Variants in EIF5B observed in about 807,000 individuals in gnomAD.
EIF5B encodes eIF-5B.
A neutral mutation model predicts 147.5 loss-of-function variants in EIF5B; 47 were observed. The observed-to-expected ratio is 0.32, with a 90% CI of 0.25 to 0.41. EIF5B has a LOEUF of 0.41. Ranked by LOEUF, EIF5B falls within the 10% of genes least tolerant of loss-of-function variation. The pLI is 1.00. For missense variants in EIF5B, 1,064 were observed against 1,413.2 expected, an observed-to-expected ratio of 0.75 and a Z score of 3.96; for synonymous variants, 455 against 456.2, an observed-to-expected ratio of 1.00 and a Z score of 0.03.
At chr2:99,354,790 G>A (rs1278077943) in intron 1 of EIF5B, among the ~76,000 whole-genome samples, 2 of 132,434 alleles carry the variant, frequency 1.5e-5, no homozygotes, top group African/African-American at 5.6e-5. Context: ...AAATTAATTG[G>A]TTGTACTTTT....
intron 9 of EIF5B, among the ~76,000 whole-genome samples, chr2:99,376,132 C>T (rs1395331575): frequency 1.3e-5 from 2 of 152,076 alleles, no homozygotes; most frequent in Non-Finnish European, 2.9e-5. Context: ...TTTCTTAAAA[C>T]GTGAGACTTT....
intron 14 of EIF5B, among the ~76,000 whole-genome samples, chr2:99,384,171 T>G: frequency 1.7e-5 from 2 of 121,166 alleles, no homozygotes; most frequent in Admixed American, 1.1e-4. Flanking sequence ...CACTCCAGCC[T>G]GGGTGACAGA....
At chr2:99,349,689 A>C (rs1334221576) in intron 1 of EIF5B, among the ~76,000 whole-genome samples, 1 of 152,220 alleles carries the variant, frequency 6.6e-6, no homozygotes. Flanking sequence ...GACACATAAT[A>C]ATTGTACATA....
chr2:99,337,899 C>T (rs568964034), intron 1 of EIF5B, among the ~76,000 whole-genome samples: 1 of 152,354 alleles, frequency 6.6e-6, no homozygotes, highest in African/African-American at 2.4e-5. Flanking sequence ...CCAGCGTGGC[C>T]CAGGCCAGTG....
At chr2:99,393,879 GTATTTCCTAGT>G (rs1396935497) in intron 18 of EIF5B, among the ~76,000 whole-genome samples, 1 of 152,150 alleles carries the variant, frequency 6.6e-6, no homozygotes, top group African/African-American at 2.4e-5. Context: ...TGAGATTATG[GTATTTCCTAGT>G]TAACACAGAC....
intron 1 of EIF5B, among the ~76,000 whole-genome samples, chr2:99,342,903 G>A (rs996761952): frequency 2.0e-5 from 3 of 151,906 alleles, no homozygotes; most frequent in South Asian, 4.1e-4. Context: ...CAAAGTGTTG[G>A]GATTACAGGT....
At chr2:99,345,329 G>A (rs1177392155) in intron 1 of EIF5B, among the ~76,000 whole-genome samples, 2 of 151,972 alleles carry the variant, frequency 1.3e-5, no homozygotes, top group Admixed American at 6.6e-5. Flanking sequence ...GTGGTGGCTC[G>A]TGCCTGTAAT....
intron 1 of EIF5B, among the ~76,000 whole-genome samples, chr2:99,353,303 G>A (rs1202461553): frequency 1.3e-5 from 2 of 152,018 alleles, no homozygotes; most frequent in African/African-American, 2.4e-5. Flanking sequence ...GTGAGCCCCC[G>A]CGTCTGGCCT....
At chr2:99,372,197 A>AT (rs1187479966) in intron 9 of EIF5B, among the ~76,000 whole-genome samples, 13 of 151,596 alleles carry the variant, frequency 8.6e-5, no homozygotes, top group African/African-American at 3.1e-4. Flanking sequence ...TGGCTCTTTG[A>AT]TTTTTTTCAG....
At chr2:99,382,680 T>C (rs1178604597) in intron 13 of EIF5B, 100 bp from the exon 14 acceptor site, 2 of 1,177,006 alleles carry the variant, frequency 1.7e-6, no homozygotes, top group South Asian at 1.7e-5. Context: ...TTAATACATA[T>C]ACTCTATTTT....
intron 23 of EIF5B, 165 bp downstream of exon 23, chr2:99,399,074 T>C: frequency 1.1e-6 from 1 of 897,596 alleles, no homozygotes; most frequent in Non-Finnish European, 1.7e-6. Context: ...GTTGAGGAAG[T>C]TGCTCTATCA....
intron 14 of EIF5B, among the ~76,000 whole-genome samples, chr2:99,386,199 G>C (rs1029517700): frequency 1.2e-4 from 19 of 152,314 alleles, no homozygotes; most frequent in African/African-American, 4.6e-4. Context: ...GTAGTTGAGT[G>C]CAAAATTATT....
intron 21 of EIF5B, 23 bp downstream of exon 21, chr2:99,394,906 T>C (rs1294246719): frequency 1.3e-6 from 2 of 1,535,922 alleles, no homozygotes; most frequent in African/African-American, 2.8e-5. Flanking sequence ...TTTTATTTAC[T>C]TTGAGTCTTT....
intron 9 of EIF5B, among the ~76,000 whole-genome samples, chr2:99,376,059 C>T (rs1048995728): frequency 3.9e-5 from 6 of 152,252 alleles, no homozygotes; most frequent in Non-Finnish European, 7.3e-5. Flanking sequence ...GTCCAGTCTG[C>T]AGCCTGTGGG....
Position 99,376,385 on chromosome 2 carries a change from C to T in EIF5B, c.1591C>T (p.Pro531Ser), listed in dbSNP as rs1674564153. ...AGTTCATATAGAAGTAAAAGAAAAC[C>T]CTGAAGAGGAGGAGGAGGAGGAAGA... ...NKVHIEVKEN[P>S]EEEEEEEEEE... is the part of the protein sequence containing the mutation. The change falls in exon 10 of 24, where the codon CCT becomes TCT. Residue 531 changes from proline (P) to serine (S), a missense_variant. Physicochemically the swap from Pro to Ser is moderately conservative, Grantham distance 74 (BLOSUM62 -1). Coordinates refer to ENST00000289371, the MANE Select transcript of EIF5B (RefSeq NM_015904.4). The T allele has an allele frequency of 6.6e-7, 1 of 1,512,604 alleles. No homozygotes were observed. The highest frequency in any genetic ancestry group is 9.0e-7 in the Non-Finnish European group (1 of 1,105,780). 93.7% of individuals were successfully genotyped at this position (1,512,604 alleles called of 1,614,324 possible). A position where few individuals can be genotyped will look rare whatever the true frequency, so the allele number is the denominator to read the frequency against.
rs770493783 is a variant in EIF5B at position 99,384,196 on chromosome 2, C to CAAAAAA, written c.2271+1281_2271+1286dup. Among the ~76,000 whole-genome samples, 56 of 117,478 alleles carry CAAAAAA rather than the reference C, an allele frequency of 4.8e-4. 3 individuals carry two copies. The highest frequency in any genetic ancestry group is 1.7e-3 in the African/African-American group (49 of 28,132). The allele number at this position is 117,478 out of a possible 152,430, so 77.1% of individuals were successfully genotyped here. ...TGGGTGACAGAGCGAGACTCCGTCT[C>CAAAAAA]AAAAAAAAAAAGAATTATGCCAAAT... On this transcript the variant is annotated intron_variant, in intron 14 of 23. Transcript: ENST00000289371.
Position 99,400,634 on chromosome 2 carries a change from A to G in EIF5B, c.*1220A>G, listed in dbSNP as rs1208693679. On this transcript the variant is annotated 3_prime_UTR_variant, in exon 24 of 24. Transcript: ENST00000289371. ...CAACACCACCTCTGATCTACGGGAC[A>G]TAATGTTCCCAGGAAAAAAATCTTC... 1 of 152,232 alleles carries G rather than the reference A, an allele frequency of 6.6e-6. No individual in the cohort carries two copies. The highest frequency in any genetic ancestry group is 1.5e-5 in the Non-Finnish European group (1 of 68,042). 9.4% of individuals were successfully genotyped at this position (152,232 alleles called of 1,614,324 possible). A position where few individuals can be genotyped will look rare whatever the true frequency, so the allele number is the denominator to read the frequency against.
intron 10 of EIF5B, 92 bp from the exon 11 acceptor site, chr2:99,378,927 A>G (rs780794972): frequency 2.1e-5 from 20 of 949,332 alleles, no homozygotes; most frequent in Non-Finnish European, 3.0e-5. Context: ...TGCAGGTTGT[A>G]GCATTCTTTT....
chr2:99,355,442 G>A (rs1445053437), intron 1 of EIF5B, among the ~76,000 whole-genome samples: 3 of 151,890 alleles, frequency 2.0e-5, no homozygotes, highest in East Asian at 2.0e-4. Context: ...GTCTCTTCAC[G>A]TAGTCAAGTC....
Sources: gnomAD v4.1 joint callset for allele counts (sites outside exome capture counted in the v4.1 genomes callset) on GRCh38, gnomAD v4.1.1 for gene constraint, MANE v1.5 for transcripts, NCBI Gene and HGNC (gene_info 2026-07-23, HGNC 2026-07-21) for gene names.